CLIP1: variants seen among roughly 807,000 people sequenced by gnomAD.
CLIP1 encodes the protein CAP-Gly domain-containing linker protein 1.
A neutral mutation model predicts 161.6 loss-of-function variants in CLIP1; 66 were observed. The ratio of observed to expected loss-of-function variants is 0.41; its 90% CI spans 0.33 to 0.50. The LOEUF (loss-of-function observed/expected upper bound fraction) is 0.50. Among genes scored for constraint, CLIP1 ranks in the 20% least tolerant of loss-of-function variants. CLIP1 has a pLI of 0.27. For missense variants in CLIP1, 1,376 were observed against 1,702.0 expected, an observed-to-expected ratio of 0.81 and a Z score of 3.37; for synonymous variants, 598 against 626.2, an observed-to-expected ratio of 0.96 and a Z score of 0.67.
chr12:122,340,602 C>T, intron 11 of CLIP1, 151 bp downstream of exon 11: 2 of 625,120 alleles, frequency 3.2e-6, no homozygotes, highest in Non-Finnish European at 5.4e-6. Flanking sequence ...TTGAGATACT[C>T]AGAACATACT....
intron 24 of CLIP1, chr12:122,277,381 C>T (rs1266709131): frequency 2.7e-5 from 4 of 148,262 alleles, no homozygotes; most frequent in African/African-American, 7.5e-5. Flanking sequence ...GATGAGGTCT[C>T]GCTATGTCCA....
intron 3 of CLIP1, chr12:122,365,676 TTAA>T: frequency 1.8e-6 from 1 of 570,560 alleles, no homozygotes. Flanking sequence ...TCTGGGCTAT[TTAA>T]AAAAAAAAAA....
At position 122,327,612 on chromosome 12, in the gene CLIP1, C is replaced by T. The variant is rs368238285; in HGVS notation, c.3249+335G>A. ...CCCTAGTGCAAGGCAGCAACAAGCACGGCCAAGATTAGAGGAACAAGCAGG... is the reference window on the plus strand; with the variant it reads ...CCCTAGTGCAAGGCAGCAACAAGCATGGCCAAGATTAGAGGAACAAGCAGG... On this transcript the variant is annotated intron_variant, in intron 17 of 25. Transcript: ENST00000620786. Among the ~76,000 whole-genome samples the T allele has an allele frequency of 9.2e-5, 14 of 151,956 alleles. No individual in the cohort carries two copies. The East Asian group carries it at 1.4e-3, about 15-fold the overall frequency.
chr12:122,318,888 T>C (rs1951372341), intron 18 of CLIP1, among the ~76,000 whole-genome samples: 1 of 152,084 alleles, frequency 6.6e-6, no homozygotes, highest in African/African-American at 2.4e-5. Context: ...GGAAGAAAAC[T>C]TAGTGGCTCA....
At chr12:122,293,722 C>T (rs1008913829) in intron 20 of CLIP1, among the ~76,000 whole-genome samples, 4 of 152,034 alleles carry the variant, frequency 2.6e-5, no homozygotes, top group Non-Finnish European at 5.9e-5. Flanking sequence ...AGGTGATCCG[C>T]CCGCCTCGGC....
chr12:122,357,876 C>T (rs1349797864), intron 5 of CLIP1, among the ~76,000 whole-genome samples: 3 of 151,704 alleles, frequency 2.0e-5, no homozygotes, highest in South Asian at 2.1e-4. Context: ...CGCCTCTGCT[C>T]GGCCGCCCCT....
At chr12:122,283,296 T>G (rs1955718782) in intron 21 of CLIP1, among the ~76,000 whole-genome samples, 1 of 152,072 alleles carries the variant, frequency 6.6e-6, no homozygotes, top group Admixed American at 6.6e-5. Flanking sequence ...TGAGAGTTTT[T>G]CAAAGAAATG....
intron 20 of CLIP1, among the ~76,000 whole-genome samples, chr12:122,301,647 C>T (rs1950683093): frequency 6.6e-6 from 1 of 152,206 alleles, no homozygotes; most frequent in Non-Finnish European, 1.5e-5. Flanking sequence ...GCACTCCAGC[C>T]TGGGCGACAG....
At chr12:122,405,986 G>C (rs1454776924) in intron 1 of CLIP1, among the ~76,000 whole-genome samples, 1 of 152,130 alleles carries the variant, frequency 6.6e-6, no homozygotes, top group Non-Finnish European at 1.5e-5. Context: ...AGAATCGCTT[G>C]AATCCGGGAG....
rs1953998223 is a variant in CLIP1 at position 122,363,836 on chromosome 12, A to G, written c.782+147T>C. 2.9e-6 allele frequency: 3 copies of G among 1,022,624 alleles called. No individual in the cohort carries two copies. In the South Asian group the frequency reaches 4.9e-5, roughly 17 times the overall value. 63.3% of individuals were successfully genotyped at this position (1,022,624 alleles called of 1,614,324 possible). A position where few individuals can be genotyped will look rare whatever the true frequency, so the allele number is the denominator to read the frequency against. The stretch of plus-strand genomic sequence containing the variant: ...GAACAGCCCCAATTTTAGTGTGGGG[A>G]AAAAAAATTAGCAGATGGGTCTTAG... On this transcript the variant is annotated intron_variant, in intron 4 of 25. Coordinates refer to ENST00000620786, the MANE Select transcript of CLIP1 (RefSeq NM_001247997.2).
At chr12:122,385,728 G>A (rs889373227) in intron 1 of CLIP1, among the ~76,000 whole-genome samples, 4 of 152,268 alleles carry the variant, frequency 2.6e-5, no homozygotes, top group South Asian at 4.1e-4. Flanking sequence ...AGGTGGCAGC[G>A]CTTGAAAGGA....
chr12:122,351,340 T>A (rs1953026858), intron 8 of CLIP1, among the ~76,000 whole-genome samples, 197 bp from the exon 9 acceptor site: 1 of 152,224 alleles, frequency 6.6e-6, no homozygotes, highest in Non-Finnish European at 1.5e-5. Context: ...ATATTTCACA[T>A]GAATTAGATG....
chr12:122,373,169 A>T (rs936315812), intron 3 of CLIP1, among the ~76,000 whole-genome samples: 47 of 152,182 alleles, frequency 3.1e-4, no homozygotes, highest in African/African-American at 1.0e-3. Context: ...TCACGCCTGT[A>T]ATCGCAGCAC....
Position 122,391,007 on chromosome 12 carries a change from G to A in CLIP1, c.-106-10449C>T, listed in dbSNP as rs945715819. ...CTGCTCATAAAAGGTTTACACTTCC[G>A]GCTCGGTGTGGTGGCTCACACTTGT... On this transcript the variant is annotated intron_variant, in intron 1 of 25. Coordinates refer to ENST00000620786, the MANE Select transcript of CLIP1 (RefSeq NM_001247997.2). 3.9e-5 allele frequency among the ~76,000 whole-genome samples: 6 copies of A among 152,070 alleles called. No homozygotes were observed. The East Asian group carries it at 5.8e-4, about 15-fold the overall frequency.
intron 20 of CLIP1, among the ~76,000 whole-genome samples, chr12:122,302,711 T>C (rs1043834397): frequency 1.3e-5 from 2 of 152,008 alleles, no homozygotes; most frequent in South Asian, 2.1e-4. Context: ...TATTCTCCCA[T>C]GTCAGTATCC....
At chr12:122,372,468 G>T (rs1305759384) in intron 3 of CLIP1, among the ~76,000 whole-genome samples, 1 of 151,114 alleles carries the variant, frequency 6.6e-6, no homozygotes, top group Non-Finnish European at 1.5e-5. Context: ...TGTAATCCCA[G>T]CTACGCTACT....
intron 1 of CLIP1, among the ~76,000 whole-genome samples, chr12:122,409,436 GAGA>G (rs1244332902): frequency 1.3e-5 from 2 of 151,754 alleles, no homozygotes; most frequent in African/African-American, 4.8e-5. Context: ...TATATTTCAA[GAGA>G]AGCAGTCTAC....
intron 1 of CLIP1, among the ~76,000 whole-genome samples, chr12:122,408,898 G>T (rs138174617): frequency 0.013 from 1,996 of 152,018 alleles, 47 homozygotes; most frequent in African/African-American, 0.04. Context: ...TGCAACCTCC[G>T]CCTCCCAGGC....
chr12:122,294,787 CG>C (rs1228533905), intron 20 of CLIP1, among the ~76,000 whole-genome samples: 1 of 151,182 alleles, frequency 6.6e-6, no homozygotes, highest in East Asian at 2.0e-4. Context: ...CAGTGCCTCA[CG>C]TCTGTAATCT....
Sources: gnomAD v4.1 joint callset for allele counts (sites outside exome capture counted in the v4.1 genomes callset) on GRCh38, gnomAD v4.1.1 for gene constraint, MANE v1.5 for transcripts, NCBI Gene and HGNC (gene_info 2026-07-23, HGNC 2026-07-21) for gene names.